PEX7: variants seen among roughly 807,000 people sequenced by gnomAD.
PEX7 encodes peroxisomal biogenesis factor 7.
Under a neutral mutation model 47.5 loss-of-function variants are expected in PEX7, and 34 were observed. The ratio of observed to expected loss-of-function variants is 0.72; its 90% CI spans 0.54 to 0.95. PEX7 has a LOEUF of 0.95. PEX7 is among the 40% of genes least tolerant of loss of function. The pLI, the probability that PEX7 is intolerant of heterozygous loss-of-function variation, is 0.00. For missense variants in PEX7, 394 were observed against 400.3 expected, an observed-to-expected ratio of 0.98 and a Z score of 0.13; for synonymous variants, 141 against 148.8, an observed-to-expected ratio of 0.95 and a Z score of 0.38.
At chr6:136,875,331 A>G (rs936587901) in intron 8 of PEX7, among the ~76,000 whole-genome samples, 4 of 152,046 alleles carry the variant, frequency 2.6e-5, no homozygotes, top group Non-Finnish European at 4.4e-5. Context: ...ACTATAGCCC[A>G]TAGATTCTGA....
chr6:136,886,830 A>G (rs1775474918), intron 8 of PEX7, among the ~76,000 whole-genome samples: 1 of 152,120 alleles, frequency 6.6e-6, no homozygotes, highest in Non-Finnish European at 1.5e-5. Context: ...AGGCGGGAAA[A>G]TTTCTTGAGC....
intron 3 of PEX7, among the ~76,000 whole-genome samples, chr6:136,844,239 G>A (rs1322116560): frequency 1.3e-5 from 2 of 152,030 alleles, no homozygotes; most frequent in Admixed American, 6.5e-5. Context: ...GTGGTGGCAC[G>A]CAAGCGTGAC....
intron 9 of PEX7, among the ~76,000 whole-genome samples, chr6:136,903,831 T>C (rs1266401293): frequency 7.8e-6 from 1 of 127,952 alleles, no homozygotes. Flanking sequence ...GGTGTGCACT[T>C]TTTTTTTTTT....
intron 3 of PEX7, among the ~76,000 whole-genome samples, chr6:136,828,209 G>C (rs1160578912): frequency 1.3e-5 from 2 of 152,212 alleles, no homozygotes; most frequent in Admixed American, 1.3e-4. Context: ...GGCTACTTTA[G>C]TATGTACATT....
At chr6:136,845,987 ATATAGTT>A (rs1230474894) in intron 4 of PEX7, 79 bp from the exon 5 acceptor site, 1 of 769,558 alleles carries the variant, frequency 1.3e-6, no homozygotes, top group African/African-American at 1.7e-5. Context: ...ATATAAATGT[ATATAGTT>A]TATTGGTGTA....
intron 3 of PEX7, among the ~76,000 whole-genome samples, chr6:136,833,928 A>G (rs1774339213): frequency 6.6e-6 from 1 of 152,260 alleles, no homozygotes; most frequent in Non-Finnish European, 1.5e-5. Flanking sequence ...AGATGTAGGT[A>G]TAAATAAGAC....
chr6:136,868,079 G>A (rs574164206), intron 6 of PEX7, among the ~76,000 whole-genome samples: 2 of 152,164 alleles, frequency 1.3e-5, no homozygotes, highest in South Asian at 2.1e-4. Context: ...CCTTACAATT[G>A]TGTTACAGTA....
intron 3 of PEX7, among the ~76,000 whole-genome samples, chr6:136,830,641 G>A (rs1194865187): frequency 1.3e-5 from 2 of 152,104 alleles, no homozygotes; most frequent in African/African-American, 4.8e-5. Context: ...ATTTTTAAAA[G>A]TTCAGTGAGA....
intron 3 of PEX7, among the ~76,000 whole-genome samples, chr6:136,836,484 C>T (rs1265818328): frequency 2.6e-5 from 4 of 151,740 alleles, no homozygotes; most frequent in Admixed American, 2.6e-4. Flanking sequence ...ATTAAGAATC[C>T]CAATATGTTA....
intron 8 of PEX7, among the ~76,000 whole-genome samples, chr6:136,881,591 A>C (rs982528302): frequency 6.6e-6 from 1 of 152,188 alleles, no homozygotes; most frequent in Non-Finnish European, 1.5e-5. Context: ...TTCTTCTCAG[A>C]ATTGTCATTT....
At chr6:136,846,252 C>T (rs1035029413) in intron 5 of PEX7, 71 bp downstream of exon 5, 10 of 802,028 alleles carry the variant, frequency 1.2e-5, no homozygotes, top group East Asian at 2.5e-5. Context: ...CATTAGGTGG[C>T]GCTGTGTACC....
At chr6:136,912,047 A>G (rs1775942198) in intron 9 of PEX7, among the ~76,000 whole-genome samples, 1 of 152,150 alleles carries the variant, frequency 6.6e-6, no homozygotes, top group African/African-American at 2.4e-5. Context: ...AATGATGTTG[A>G]GCACTTTTTT....
intron 9 of PEX7, among the ~76,000 whole-genome samples, chr6:136,908,436 C>T (rs1382109395): frequency 6.6e-6 from 1 of 151,930 alleles, no homozygotes; most frequent in Non-Finnish European, 1.5e-5. Flanking sequence ...TTTGACAAAC[C>T]ATTTTTTTTT....
intron 9 of PEX7, among the ~76,000 whole-genome samples, chr6:136,907,265 A>G (rs140764030): frequency 3.3e-5 from 5 of 152,280 alleles, no homozygotes; most frequent in African/African-American, 7.2e-5. Flanking sequence ...TAGCTATTCA[A>G]TGAATTAATG....
At position 136,841,774 on chromosome 6, in the gene PEX7, G is replaced by A. The variant is rs114680339; in HGVS notation, c.340-3841G>A. ...AATTTTTAAAATTTTTTATAGAGAC[G>A]GGGGTCTCGCCATATTTTCCAGGCT... On this transcript the variant is annotated intron_variant, in intron 3 of 9. Coordinates refer to ENST00000318471, the MANE Select transcript of PEX7 (RefSeq NM_000288.4). Among the ~76,000 whole-genome samples, 960 of 151,878 alleles carry A rather than the reference G, an allele frequency of 6.3e-3. 14 individuals are homozygous for A. Among genetic ancestry groups the A allele is most frequent in the African/African-American group, 0.022 (912 of 41,412 alleles).
intron 5 of PEX7, among the ~76,000 whole-genome samples, chr6:136,858,847 T>C (rs1322037483): frequency 6.6e-6 from 1 of 152,228 alleles, no homozygotes; most frequent in Non-Finnish European, 1.5e-5. Context: ...AGTTTATCTT[T>C]ATTAATTCTC....
intron 9 of PEX7, among the ~76,000 whole-genome samples, chr6:136,905,423 T>C (rs1284479511): frequency 6.6e-6 from 1 of 151,818 alleles, no homozygotes; most frequent in Non-Finnish European, 1.5e-5. Flanking sequence ...GACCTCTTGC[T>C]TTTAGTTTCT....
intron 8 of PEX7, among the ~76,000 whole-genome samples, chr6:136,892,132 A>G (rs910527955): frequency 6.6e-6 from 1 of 152,198 alleles, no homozygotes; most frequent in Non-Finnish European, 1.5e-5. Context: ...TAAAAGAGAG[A>G]AAAGAAAATT....
intron 8 of PEX7, 81 bp downstream of exon 8, chr6:136,872,334 A>G (rs565845129): frequency 2.2e-5 from 22 of 990,140 alleles, no homozygotes. Flanking sequence ...AGATAATATG[A>G]TTACTCTTAC....
Sources: gnomAD v4.1 joint callset for allele counts (sites outside exome capture counted in the v4.1 genomes callset) on GRCh38, gnomAD v4.1.1 for gene constraint, MANE v1.5 for transcripts, NCBI Gene and HGNC (gene_info 2026-07-23, HGNC 2026-07-21) for gene names.